The following NCOA1 variants were observed in gnomAD, a reference collection of about 807,000 sequenced individuals.
NCOA1 encodes Hin-2 protein.
Under a neutral mutation model 150.9 loss-of-function variants are expected in NCOA1, and 35 were observed. The observed-to-expected ratio is 0.23, with a 90% CI of 0.18 to 0.31. NCOA1 has a LOEUF of 0.31. Ranked by LOEUF, NCOA1 falls within the 10% of genes least tolerant of loss-of-function variation. The probability of loss-of-function intolerance (pLI) is 1.00; values close to 1 mark genes in which losing one functional copy is unlikely to be tolerated. For synonymous variants in NCOA1, 590 were observed against 630.0 expected, an observed-to-expected ratio of 0.94 and a Z score of 0.95; for missense variants, 1,491 against 1,749.3, an observed-to-expected ratio of 0.85 and a Z score of 2.63.
At chr2:24,766,403 G>T (rs1179638942) in intron 22 of NCOA1, among the ~76,000 whole-genome samples, 3 of 152,094 alleles carry the variant, frequency 2.0e-5, no homozygotes, top group Non-Finnish European at 4.4e-5. Flanking sequence ...ACTATATTTT[G>T]TGGTCATGTG....
intron 3 of NCOA1, among the ~76,000 whole-genome samples, chr2:24,598,865 C>T (rs1012433726): frequency 6.6e-6 from 1 of 151,480 alleles, no homozygotes; most frequent in Non-Finnish European, 1.5e-5. Context: ...TTGAACTCAT[C>T]GTTCAAATAA....
chr2:24,512,235 A>G (rs1261112280), intron 1 of NCOA1, among the ~76,000 whole-genome samples: 1 of 152,212 alleles, frequency 6.6e-6, no homozygotes, highest in Non-Finnish European at 1.5e-5. Flanking sequence ...GTACTATAAT[A>G]CAATAGTTAT....
At chr2:24,637,366 A>G (rs1669985681) in intron 3 of NCOA1, among the ~76,000 whole-genome samples, 1 of 151,462 alleles carries the variant, frequency 6.6e-6, no homozygotes, top group Non-Finnish European at 1.5e-5. Context: ...ACTATAAATC[A>G]TGTTGCCATA....
chr2:24,691,419 ATC>A lies in NCOA1; in HGVS notation c.533-60_533-59del. 5 of 1,483,798 alleles carry A rather than the reference ATC, an allele frequency of 3.4e-6. No individual in the cohort carries two copies. In the South Asian group the frequency reaches 5.9e-5, roughly 18 times the overall value. The allele number at this position is 1,483,798 out of a possible 1,614,324, so 91.9% of individuals were successfully genotyped here. A position where few individuals can be genotyped will look rare whatever the true frequency, so the allele number is the denominator to read the frequency against. ...AGATGGCTTAAAGTACATCTTTTGTATCTTCAGAGTTTGTGCTTTTTCACCAT... is the reference window on the plus strand; with the variant it reads ...AGATGGCTTAAAGTACATCTTTTGTATTCAGAGTTTGTGCTTTTTCACCAT... On this transcript the variant is annotated intron_variant, in intron 8 of 22. Coordinates refer to ENST00000348332, the MANE Select transcript of NCOA1 (RefSeq NM_003743.5).
Position 24,693,156 on chromosome 2 carries a change from C to G in NCOA1, c.713-96C>G, listed in dbSNP as rs1004934926. On this transcript the variant is annotated intron_variant, in intron 9 of 22. Coordinates refer to ENST00000348332, the MANE Select transcript of NCOA1 (RefSeq NM_003743.5). The stretch of plus-strand genomic sequence containing the variant: ...GGCGTGAGCCACCACGTCTGGCCAA[C>G]ATGTATTGTTTTTATGAAAACCATT... The G allele has an allele frequency of 4.1e-6, 5 of 1,225,642 alleles. 1 individual carries two copies. The Middle Eastern group carries it at 5.6e-4, about 138-fold the overall frequency. The allele number at this position is 1,225,642 out of a possible 1,614,324, so 75.9% of individuals were successfully genotyped here.
chr2:24,743,724 C>T (rs748188391), intron 19 of NCOA1, among the ~76,000 whole-genome samples: 3 of 152,152 alleles, frequency 2.0e-5, no homozygotes, highest in African/African-American at 7.2e-5. Context: ...CCCATTCCTC[C>T]TCCAAAATGA....
chr2:24,501,416 TAGTG>T (rs1663455126), intron 1 of NCOA1, among the ~76,000 whole-genome samples: 1 of 152,086 alleles, frequency 6.6e-6, no homozygotes, highest in Admixed American at 6.5e-5. Flanking sequence ...TCACCAAAAG[TAGTG>T]AGTGGTATTA....
intron 3 of NCOA1, among the ~76,000 whole-genome samples, chr2:24,589,553 G>C (rs1667556993): frequency 6.6e-6 from 1 of 152,026 alleles, no homozygotes; most frequent in African/African-American, 2.4e-5. Flanking sequence ...CAATCTTCCT[G>C]TGTTTCTGTG....
At chr2:24,592,394 A>G (rs560179539) in intron 3 of NCOA1, among the ~76,000 whole-genome samples, 8 of 152,226 alleles carry the variant, frequency 5.3e-5, no homozygotes, top group South Asian at 2.1e-4. Context: ...ACTCTTGGGC[A>G]AGGTAAAATG....
chr2:24,596,536 TATTTGATAAAG>T (rs1667893219), intron 3 of NCOA1, among the ~76,000 whole-genome samples: 1 of 152,176 alleles, frequency 6.6e-6, no homozygotes, highest in South Asian at 2.1e-4. Flanking sequence ...CATTTTGTAC[TATTTGATAAAG>T]ATTTGACTGT....
chr2:24,726,810 A>T, intron 15 of NCOA1, 104 bp downstream of exon 15: 1 of 500,408 alleles, frequency 2.0e-6, no homozygotes, highest in Non-Finnish European at 3.4e-6. Context: ...ATTTTGTGAG[A>T]TATTAATAGA....
At chr2:24,696,833 T>G (rs1672921940) in intron 10 of NCOA1, among the ~76,000 whole-genome samples, 2 of 152,026 alleles carry the variant, frequency 1.3e-5, no homozygotes, top group African/African-American at 2.4e-5. Context: ...AGTTCTGAAG[T>G]TGAGTGGTGG....
intron 2 of NCOA1, among the ~76,000 whole-genome samples, chr2:24,569,815 A>T (rs896460784): frequency 6.7e-6 from 1 of 150,224 alleles, no homozygotes; most frequent in Non-Finnish European, 1.5e-5. Context: ...GGTTGCAGTG[A>T]GCCAAGATCG....
At chr2:24,728,272 GTCAGTCTGAAACTT>G in intron 15 of NCOA1, 22 bp from the exon 16 acceptor site, 4 of 1,561,190 alleles carry the variant, frequency 2.6e-6, no homozygotes, top group Non-Finnish European at 3.5e-6. Context: ...TATTTGCTAT[GTCAGTCTGAAACTT>G]TCTTGTTTTT....
chr2:24,747,752 T>G (rs1257526016), intron 19 of NCOA1, among the ~76,000 whole-genome samples: 1 of 151,752 alleles, frequency 6.6e-6, no homozygotes, highest in Non-Finnish European at 1.5e-5. Context: ...GCAAAGACAT[T>G]AGAAGTGAAG....
chr2:24,753,411 TTC>T (rs1664344448), intron 20 of NCOA1, among the ~76,000 whole-genome samples: 1 of 152,128 alleles, frequency 6.6e-6, no homozygotes, highest in Admixed American at 6.5e-5. Flanking sequence ...AATAACCTAT[TTC>T]TCTGCTCCCC....
intron 5 of NCOA1, among the ~76,000 whole-genome samples, chr2:24,661,439 G>T (rs1359587626): frequency 6.6e-6 from 1 of 152,082 alleles, no homozygotes; most frequent in East Asian, 1.9e-4. Flanking sequence ...ACTGATGCAA[G>T]TATCTTCTCC....
intron 3 of NCOA1, among the ~76,000 whole-genome samples, chr2:24,612,272 C>T (rs192635348): frequency 2.2e-4 from 33 of 152,316 alleles, no homozygotes; most frequent in African/African-American, 7.0e-4. Context: ...AAGTCCACTG[C>T]TAGCCTGATG....
intron 3 of NCOA1, among the ~76,000 whole-genome samples, chr2:24,627,101 CTGTT>C (rs1669448361): frequency 1.4e-5 from 2 of 143,568 alleles, no homozygotes; most frequent in Non-Finnish European, 3.0e-5. Context: ...TGTTTAATAC[CTGTT>C]TTTTTGTTTT....
Sources: allele counts gnomAD v4.1 joint callset (sites outside exome capture counted in the v4.1 genomes callset), GRCh38; gene constraint gnomAD v4.1.1; transcripts MANE v1.5; gene names NCBI Gene and HGNC (gene_info 2026-07-23, HGNC 2026-07-21).